Variants in DTNA observed in about 807,000 individuals in gnomAD.
DTNA encodes the protein dystrophin-related protein 3.
In DTNA, 43 loss-of-function variants were observed where a neutral mutation model predicts 100.7. The ratio of observed to expected loss-of-function variants is 0.43; its 90% CI spans 0.33 to 0.55. DTNA has a LOEUF of 0.55. DTNA is among the 20% of genes least tolerant of loss of function. The probability of loss-of-function intolerance (pLI) is 0.04; values close to 1 mark genes in which losing one functional copy is unlikely to be tolerated. For missense variants in DTNA, 798 were observed against 953.9 expected (o/e 0.84, Z 2.15); for synonymous variants, 349 against 347.9 (o/e 1.00, Z -0.04).
At chr18:34,787,703 T>G (rs979347885) in intron 3 of DTNA, among the ~76,000 whole-genome samples, 1 of 152,142 alleles carries the variant, frequency 6.6e-6, no homozygotes, top group Non-Finnish European at 1.5e-5. Flanking sequence ...ATTAAAAATA[T>G]CTCTTGAGAT....
At chr18:34,854,092 C>A (rs910772119) in intron 15 of DTNA, among the ~76,000 whole-genome samples, 1 of 152,150 alleles carries the variant, frequency 6.6e-6, no homozygotes, top group Non-Finnish European at 1.5e-5. Context: ...AACCATTGGA[C>A]TTTGTGGTTC....
chr18:34,699,574 C>A (rs1180426909), intron 1 of DTNA, among the ~76,000 whole-genome samples: 1 of 152,212 alleles, frequency 6.6e-6, no homozygotes, highest in African/African-American at 2.4e-5. Context: ...ATAAAATTCA[C>A]TGTCACACAA....
At chr18:34,567,219 G>A (rs1046463220) in intron 1 of DTNA, among the ~76,000 whole-genome samples, 5 of 152,002 alleles carry the variant, frequency 3.3e-5, no homozygotes, top group Non-Finnish European at 5.9e-5. Context: ...CATTTTAGAT[G>A]TCTTTATTTT....
chr18:34,557,196 C>G (rs1456241907), intron 1 of DTNA, among the ~76,000 whole-genome samples: 10 of 147,766 alleles, frequency 6.8e-5, no homozygotes, highest in Admixed American at 5.3e-4. Context: ...ACGTAGTTCT[C>G]GAGCCTTGGT....
chr18:34,555,977 G>A (rs1601811387), intron 1 of DTNA, among the ~76,000 whole-genome samples: 1 of 149,744 alleles, frequency 6.7e-6, no homozygotes, highest in African/African-American at 2.4e-5. Context: ...GGGTGTTAAA[G>A]TCTCCCATTA....
At chr18:34,884,616 C>G in intron 21 of DTNA, 112 bp from the exon 22 acceptor site, 1 of 1,156,820 alleles carries the variant, frequency 8.6e-7, no homozygotes, top group East Asian at 2.3e-5. Context: ...TCAATAGACT[C>G]TCTCTCTCTC....
At chr18:34,711,448 G>A (rs1426792530) in intron 1 of DTNA, among the ~76,000 whole-genome samples, 1 of 152,140 alleles carries the variant, frequency 6.6e-6, no homozygotes, top group Admixed American at 6.6e-5. Flanking sequence ...GAACAAAGCT[G>A]TCTTAGCAGC....
At chr18:34,858,998 T>A (rs2096585491) in intron 16 of DTNA, among the ~76,000 whole-genome samples, 1 of 152,226 alleles carries the variant, frequency 6.6e-6, no homozygotes, top group African/African-American at 2.4e-5. Flanking sequence ...TAAATAAACA[T>A]CACAGGTTTT....
intron 3 of DTNA, among the ~76,000 whole-genome samples, chr18:34,787,517 A>G (rs899992542): frequency 1.3e-5 from 2 of 152,172 alleles, no homozygotes; most frequent in Non-Finnish European, 1.5e-5. Context: ...CCCATATTTT[A>G]TCTAACTTAT....
chr18:34,809,586 A>C (rs181354955), intron 5 of DTNA, among the ~76,000 whole-genome samples: 1 of 152,198 alleles, frequency 6.6e-6, no homozygotes, highest in Non-Finnish European at 1.5e-5. Flanking sequence ...TCCCTTCTTT[A>C]AAGTTTTTCT....
At chr18:34,753,366 A>ATTTTATTTTATTTTT (rs2092500633) in intron 1 of DTNA, among the ~76,000 whole-genome samples, 3 of 133,156 alleles carry the variant, frequency 2.3e-5, no homozygotes, top group African/African-American at 9.6e-5. Flanking sequence ...TATTTATTTT[A>ATTTTATTTTATTTTT]TTTTTTTTTT....
chr18:34,849,865 C>T (rs1217569929), intron 14 of DTNA, among the ~76,000 whole-genome samples: 1 of 152,224 alleles, frequency 6.6e-6, no homozygotes. Context: ...CCACCTCCGT[C>T]ACTTGAGTTA....
intron 11 of DTNA, among the ~76,000 whole-genome samples, chr18:34,836,605 A>ACCACTG (rs2096151681): frequency 6.9e-6 from 1 of 145,730 alleles, no homozygotes; most frequent in African/African-American, 2.6e-5. Context: ...CCAAGATCTC[A>ACCACTG]CCACTGCACT....
chr18:34,872,923 G>A (rs79206416), intron 17 of DTNA, among the ~76,000 whole-genome samples: 16,119 of 152,238 alleles, frequency 0.11, 1,083 homozygotes, highest in Non-Finnish European at 0.15. Context: ...CTAAAGACTG[G>A]GGATCAATTT....
intron 15 of DTNA, among the ~76,000 whole-genome samples, chr18:34,853,103 T>G (rs1232282167): frequency 6.6e-6 from 1 of 152,174 alleles, no homozygotes; most frequent in Non-Finnish European, 1.5e-5. Context: ...GAGTTAAATC[T>G]CAAACTTGGT....
At chr18:34,635,331 A>G (rs2058548467) in intron 1 of DTNA, among the ~76,000 whole-genome samples, 1 of 152,182 alleles carries the variant, frequency 6.6e-6, no homozygotes, top group Non-Finnish European at 1.5e-5. Context: ...TAATATGGGA[A>G]TGCAGATATT....
At chr18:34,705,490 A>C (rs548923943), upstream of DTNA, among the ~76,000 whole-genome samples, 1 of 152,340 alleles carries the variant, frequency 6.6e-6, no homozygotes, top group Admixed American at 6.5e-5. Context: ...AAGTGGACTC[A>C]CAAAGAACTC....
At chr18:34,535,897 G>A (rs2043658412) in intron 1 of DTNA, among the ~76,000 whole-genome samples, 1 of 151,952 alleles carries the variant, frequency 6.6e-6, no homozygotes, top group African/African-American at 2.4e-5. Context: ...TCATGATAAA[G>A]ATTTAAAATA....
intron 1 of DTNA, among the ~76,000 whole-genome samples, chr18:34,665,650 A>G (rs1301602422): frequency 4.0e-5 from 6 of 151,862 alleles, no homozygotes; most frequent in Admixed American, 3.9e-4. Context: ...TTCAATTCCC[A>G]CCTATGAGTG....
Sources: gnomAD v4.1 joint callset for allele counts (sites outside exome capture counted in the v4.1 genomes callset) on GRCh38, gnomAD v4.1.1 for gene constraint, MANE v1.5 for transcripts, NCBI Gene and HGNC (gene_info 2026-07-23, HGNC 2026-07-21) for gene names.